The following CDH18 variants were observed in gnomAD, a reference collection of about 807,000 sequenced individuals.
CDH18 encodes cadherin-18.
A neutral mutation model predicts 67.9 loss-of-function variants in CDH18; 31 were observed. The ratio of observed to expected loss-of-function variants is 0.46; its 90% CI spans 0.34 to 0.62. The LOEUF is 0.62. Among genes scored for constraint, CDH18 ranks in the 20% least tolerant of loss-of-function variants. CDH18 has a pLI of 0.01. For synonymous variants in CDH18, 362 were observed against 347.2 expected (o/e 1.04, Z -0.48); for missense variants, 890 against 975.5 (o/e 0.91, Z 1.17).
At chr5:20,364,790 T>G (rs1580838034) in intron 1 of CDH18, among the ~76,000 whole-genome samples, 1 of 152,216 alleles carries the variant, frequency 6.6e-6, no homozygotes, top group East Asian at 1.9e-4. Context: ...TAGAGAGACA[T>G]ATTTACATAT....
chr5:20,429,072 CCT>C (rs1748543520), intron 1 of CDH18, among the ~76,000 whole-genome samples: 1 of 142,892 alleles, frequency 7.0e-6, no homozygotes. Context: ...TTTGCTGATA[CCT>C]CTTTTTTTTT....
At chr5:20,446,537 C>T (rs1436909811) in intron 1 of CDH18, among the ~76,000 whole-genome samples, 1 of 151,878 alleles carries the variant, frequency 6.6e-6, no homozygotes, top group Non-Finnish European at 1.5e-5. Flanking sequence ...AAGATTTGTG[C>T]CCCCAAAGAA....
intron 5 of CDH18, among the ~76,000 whole-genome samples, chr5:19,704,880 C>T (rs1013723956): frequency 4.6e-5 from 7 of 152,144 alleles, no homozygotes; most frequent in Non-Finnish European, 8.8e-5. Flanking sequence ...GGCATTACAG[C>T]CAGGATTGCC....
chr5:20,533,945 T>C lies in CDH18; in HGVS notation c.-580+41517A>G, dbSNP rs1756563649. On this transcript the variant is annotated intron_variant, in intron 1 of 14. Transcript: ENST00000507958. ...TACTTTAAAATGTCACAGATTTTTA[T>C]ATATAAACCAAAAGCTTTTGGGGTC... 2.0e-5 allele frequency among the ~76,000 whole-genome samples: 3 copies of C among 152,068 alleles called. No homozygotes were observed. In the South Asian group the frequency reaches 6.2e-4, roughly 31 times the overall value.
At chr5:19,565,228 G>C (rs754499725) in intron 8 of CDH18, among the ~76,000 whole-genome samples, 4 of 152,128 alleles carry the variant, frequency 2.6e-5, no homozygotes, top group Admixed American at 6.5e-5. Flanking sequence ...GTAATCAATG[G>C]TCTTGGGTGA....
chr5:20,391,769 T>C (rs962805919), intron 1 of CDH18, among the ~76,000 whole-genome samples: 7 of 152,028 alleles, frequency 4.6e-5, no homozygotes, highest in Non-Finnish European at 8.8e-5. Context: ...ACTCTCCTTG[T>C]TCACAATAGA....
At chr5:20,154,266 A>G (rs1227136265) in intron 2 of CDH18, among the ~76,000 whole-genome samples, 2 of 152,176 alleles carry the variant, frequency 1.3e-5, no homozygotes, top group East Asian at 3.9e-4. Context: ...TTGTCTTCAG[A>G]TGCAAATTAT....
intron 2 of CDH18, among the ~76,000 whole-genome samples, chr5:20,166,534 C>A (rs1035031453): frequency 1.3e-5 from 2 of 151,774 alleles, no homozygotes; most frequent in African/African-American, 4.8e-5. Context: ...TTGCCACCTA[C>A]AGAACTGGTT....
chr5:19,557,208 C>T (rs756488696), intron 8 of CDH18, among the ~76,000 whole-genome samples: 3 of 151,874 alleles, frequency 2.0e-5, no homozygotes, highest in Admixed American at 2.0e-4. Context: ...TTCAAATGAC[C>T]TATAAAACAA....
At chr5:19,805,305 C>T (rs1389796865) in intron 3 of CDH18, among the ~76,000 whole-genome samples, 2 of 152,184 alleles carry the variant, frequency 1.3e-5, no homozygotes, top group South Asian at 2.1e-4. Context: ...TTATCCACGT[C>T]CTCCTTGAAA....
At chr5:20,357,702 T>G (rs2150066889) in intron 1 of CDH18, among the ~76,000 whole-genome samples, 1 of 152,256 alleles carries the variant, frequency 6.6e-6, no homozygotes, top group African/African-American at 2.4e-5. Flanking sequence ...CTTTATACAC[T>G]ATTATTGGGA....
chr5:19,939,417 C>T lies in CDH18; in HGVS notation c.-257+41643G>A, dbSNP rs146369518. 2.6e-3 allele frequency among the ~76,000 whole-genome samples: 389 copies of T among 151,666 alleles called. 1 individual carries two copies. The highest frequency in any genetic ancestry group is 4.3e-3 in the Non-Finnish European group (290 of 67,704). ...AGGCAGTCTAGCCTTTTATTATATA[C>T]TTATTTAATTTCTAAAAATGTCTAT... On this transcript the variant is annotated intron_variant, in intron 2 of 12. Transcript: ENST00000382275.
At chr5:19,509,355 G>T (rs1744752478) in intron 10 of CDH18, among the ~76,000 whole-genome samples, 2 of 151,974 alleles carry the variant, frequency 1.3e-5, no homozygotes, top group African/African-American at 4.8e-5. Flanking sequence ...TTCACTATTT[G>T]AGTAATGCAT....
chr5:19,672,407 A>G (rs531570254), intron 5 of CDH18, among the ~76,000 whole-genome samples: 91 of 152,280 alleles, frequency 6.0e-4, no homozygotes, highest in Admixed American at 1.1e-3. Context: ...TAACAATAAC[A>G]GTTTTATGAG....
chr5:19,660,392 G>A (rs1561560438), intron 5 of CDH18, among the ~76,000 whole-genome samples: 1 of 152,096 alleles, frequency 6.6e-6, no homozygotes, highest in African/African-American at 2.4e-5. Context: ...GGCAACATAC[G>A]TGAACCTGCC....
At chr5:19,612,031 G>T (rs534393226) in intron 6 of CDH18, among the ~76,000 whole-genome samples, 220 of 148,864 alleles carry the variant, frequency 1.5e-3, no homozygotes, top group African/African-American at 5.3e-3. Flanking sequence ...ATAACATGAA[G>T]AATTTTTTTA....
intron 5 of CDH18, among the ~76,000 whole-genome samples, chr5:19,667,889 T>C (rs1758186616): frequency 6.6e-6 from 1 of 151,934 alleles, no homozygotes; most frequent in Non-Finnish European, 1.5e-5. Flanking sequence ...CCATTTATTT[T>C]CTATGCTAGA....
chr5:19,848,735 C>A (rs933084198), intron 2 of CDH18, among the ~76,000 whole-genome samples: 4 of 151,458 alleles, frequency 2.6e-5, no homozygotes, highest in Non-Finnish European at 5.9e-5. Context: ...AGGACTACTG[C>A]AGAAGTGCAG....
intron 8 of CDH18, among the ~76,000 whole-genome samples, chr5:19,551,474 T>G (rs953358001): frequency 1.3e-5 from 2 of 152,154 alleles, no homozygotes; most frequent in South Asian, 2.1e-4. Context: ...CATTGTGACC[T>G]TAAGAGATTT....
Sources: gnomAD v4.1 joint callset for allele counts (sites outside exome capture counted in the v4.1 genomes callset) on GRCh38, gnomAD v4.1.1 for gene constraint, MANE v1.5 for transcripts, NCBI Gene and HGNC (gene_info 2026-07-23, HGNC 2026-07-21) for gene names.